Variants in STAG1 observed in about 807,000 individuals in gnomAD.
STAG1 encodes the protein STAG1 cohesin complex component.
STAG1 carries 26 observed loss-of-function variants against 170.9 expected under a neutral mutation model. The ratio of observed to expected loss-of-function variants is 0.15; its 90% CI spans 0.11 to 0.21. The LOEUF is 0.21. Ranked by LOEUF, STAG1 falls within the 10% of genes least tolerant of loss-of-function variation. The pLI, the probability that STAG1 is intolerant of heterozygous loss-of-function variation, is 1.00. For synonymous variants in STAG1, 514 were observed against 497.7 expected, an observed-to-expected ratio of 1.03 and a Z score of -0.44; for missense variants, 964 against 1,509.5, an observed-to-expected ratio of 0.64 and a Z score of 5.99.
intron 3 of STAG1, among the ~76,000 whole-genome samples, chr3:136,608,797 CAAAAAAAAAAA>C (rs34993713): frequency 2.4e-4 from 19 of 79,198 alleles, no homozygotes; most frequent in African/African-American, 5.9e-4. Flanking sequence ...GACCCTATCT[CAAAAAAAAAAA>C]AAAAAAAAAA....
intron 1 of STAG1, among the ~76,000 whole-genome samples, chr3:136,713,524 A>G (rs1318924698): frequency 6.6e-6 from 1 of 151,234 alleles, no homozygotes; most frequent in African/African-American, 2.4e-5. Flanking sequence ...TGGAAGTTGC[A>G]CTGAGCCGAG....
intron 1 of STAG1, among the ~76,000 whole-genome samples, chr3:136,654,478 A>C (rs1408863060): frequency 6.6e-6 from 1 of 152,250 alleles, no homozygotes; most frequent in East Asian, 1.9e-4. Context: ...GATGAAAGAA[A>C]TTAAAGACAC....
chr3:136,716,359 A>T (rs1943541719), intron 1 of STAG1, among the ~76,000 whole-genome samples: 1 of 152,114 alleles, frequency 6.6e-6, no homozygotes, highest in African/African-American at 2.4e-5. Flanking sequence ...GCTACTCGGG[A>T]GGCTGAGACA....
At chr3:136,378,923 T>C (rs764738606) in intron 22 of STAG1, among the ~76,000 whole-genome samples, 6 of 152,202 alleles carry the variant, frequency 3.9e-5, no homozygotes, top group African/African-American at 7.2e-5. Flanking sequence ...ACTTAAAAAG[T>C]ACTCAACTAA....
intron 1 of STAG1, among the ~76,000 whole-genome samples, 159 bp downstream of exon 1, chr3:136,752,036 C>G (rs1267027523): frequency 6.6e-6 from 1 of 151,062 alleles, no homozygotes; most frequent in Non-Finnish European, 1.5e-5. Context: ...GCCTCCCTCC[C>G]CCGCACGGGG....
At chr3:136,421,361 T>C (rs1016375165) in intron 19 of STAG1, among the ~76,000 whole-genome samples, 198 bp from the exon 20 acceptor site, 3 of 152,172 alleles carry the variant, frequency 2.0e-5, no homozygotes, top group African/African-American at 4.8e-5. Flanking sequence ...TTAAATAATG[T>C]TGTGATAAAC....
intron 1 of STAG1, among the ~76,000 whole-genome samples, chr3:136,750,788 C>T (rs1351254123): frequency 6.6e-6 from 1 of 152,208 alleles, no homozygotes; most frequent in African/African-American, 2.4e-5. Flanking sequence ...AATAACATTT[C>T]TGCTTCTTTC....
intron 5 of STAG1, among the ~76,000 whole-genome samples, chr3:136,550,439 C>G (rs1480296228): frequency 6.6e-6 from 1 of 151,844 alleles, no homozygotes; most frequent in East Asian, 1.9e-4. Flanking sequence ...TCCCGAGTAG[C>G]TGGGATTACA....
intron 5 of STAG1, among the ~76,000 whole-genome samples, chr3:136,552,630 T>A (rs935015838): frequency 2.6e-5 from 4 of 152,172 alleles, no homozygotes; most frequent in Non-Finnish European, 5.9e-5. Flanking sequence ...GAAATAACTC[T>A]ATAAAGTGGG....
chr3:136,520,898 C>A (rs1039301135), intron 7 of STAG1, among the ~76,000 whole-genome samples: 1 of 151,978 alleles, frequency 6.6e-6, no homozygotes. Context: ...GGAATTTCAA[C>A]TATTATTACT....
chr3:136,628,941 A>T (rs767510950), intron 2 of STAG1, among the ~76,000 whole-genome samples: 17 of 152,214 alleles, frequency 1.1e-4, no homozygotes, highest in Non-Finnish European at 2.5e-4. Flanking sequence ...AGTGGTCTTT[A>T]TAGTGTCTAC....
intron 1 of STAG1, among the ~76,000 whole-genome samples, chr3:136,737,981 T>C (rs1934439738): frequency 6.6e-6 from 1 of 151,730 alleles, no homozygotes; most frequent in African/African-American, 2.4e-5. Flanking sequence ...GGCAGGAGAA[T>C]CGCTGGAACC....
At chr3:136,486,999 CAAAAAAAAAAAAAAAAAAAAAA>C (rs536392595) in intron 9 of STAG1, among the ~76,000 whole-genome samples, 1 of 54,662 alleles carries the variant, frequency 1.8e-5, no homozygotes, top group African/African-American at 9.2e-5. Flanking sequence ...TTTATTTCTT[CAAAAAAAAAAAAAAAAAAAAAA>C]AAAAAAAAAG....
At chr3:136,432,977 G>GT (rs1030053783) in intron 16 of STAG1, among the ~76,000 whole-genome samples, 51 of 148,624 alleles carry the variant, frequency 3.4e-4, no homozygotes, top group African/African-American at 9.6e-4. Context: ...CCCAATGTGT[G>GT]TTTTTTTTTT....
intron 1 of STAG1, among the ~76,000 whole-genome samples, chr3:136,713,478 G>A: frequency 6.6e-6 from 1 of 151,918 alleles, no homozygotes; most frequent in South Asian, 2.1e-4. Context: ...AGCTACTCGG[G>A]AGGCTGAGGC....
At chr3:136,612,528 A>C (rs1302463393) in intron 3 of STAG1, among the ~76,000 whole-genome samples, 1 of 152,156 alleles carries the variant, frequency 6.6e-6, no homozygotes, top group Non-Finnish European at 1.5e-5. Flanking sequence ...AAAAACAAAA[A>C]ACAAGAACAA....
intron 15 of STAG1, among the ~76,000 whole-genome samples, chr3:136,435,113 A>C (rs1445624161): frequency 6.6e-6 from 1 of 152,218 alleles, no homozygotes; most frequent in Non-Finnish European, 1.5e-5. Context: ...TTAATATGTA[A>C]CTTAATTCAA....
chr3:136,747,220 C>T (rs1050235767), intron 1 of STAG1, among the ~76,000 whole-genome samples: 5 of 148,110 alleles, frequency 3.4e-5, no homozygotes, highest in Non-Finnish European at 5.9e-5. Context: ...TTGCAGTAAG[C>T]GAAGATCATG....
intron 33 of STAG1, 31 bp from the exon 34 acceptor site, chr3:136,338,308 A>T (rs770160031): frequency 1.3e-6 from 2 of 1,560,150 alleles, no homozygotes; most frequent in Non-Finnish European, 1.8e-6. Context: ...ATAATTATTA[A>T]TTTCATGCAT....
Sources: gnomAD v4.1 joint callset for allele counts (sites outside exome capture counted in the v4.1 genomes callset) on GRCh38, gnomAD v4.1.1 for gene constraint, MANE v1.5 for transcripts, NCBI Gene and HGNC (gene_info 2026-07-23, HGNC 2026-07-21) for gene names.